SLC2A9: variants seen among roughly 807,000 people sequenced by gnomAD.
The protein encoded by SLC2A9 is solute carrier family 2, facilitated glucose transporter member 9.
In SLC2A9, 39 loss-of-function variants were observed where a neutral mutation model predicts 50.6. The observed-to-expected ratio is 0.77, with a 90% CI of 0.60 to 1.01. The LOEUF (loss-of-function observed/expected upper bound fraction) is 1.01, where lower values mean the gene tolerates loss of function less well. Ranked by LOEUF, SLC2A9 falls within the 50% of genes least tolerant of loss-of-function variation. The pLI, the probability that SLC2A9 is intolerant of heterozygous loss-of-function variation, is 0.00. For synonymous variants in SLC2A9, 324 were observed against 276.9 expected (o/e 1.17, Z -1.69); for missense variants, 686 against 677.6 (o/e 1.01, Z -0.14).
At chr4:9,822,108 C>T (rs1168685752), downstream of SLC2A9, among the ~76,000 whole-genome samples, 1 of 152,092 alleles carries the variant, frequency 6.6e-6, no homozygotes, top group Non-Finnish European at 1.5e-5. Context: ...AAGTTGTGTC[C>T]TATCTCTCTT....
In SLC2A9 at chr4:9,941,959, T is replaced by G. The variant is rs753014108; in HGVS notation, c.768A>C (p.Pro256=). 4.3e-6 allele frequency: 7 copies of G among 1,614,016 alleles called. No homozygotes were observed. The highest frequency in any genetic ancestry group is 5.9e-6 in the Non-Finnish European group (7 of 1,180,022). Residue 256 remains proline, a synonymous_variant, in exon 6 of 12, where the codon CCA becomes CCC. Coordinates refer to ENST00000264784, the MANE Select transcript of SLC2A9 (RefSeq NM_020041.3). The stretch of plus-strand genomic sequence containing the variant: ...TGTGCTTCTCCAAGAGCAGGTAGCG[T>G]GGGCTGTCCGGGAGAAAGGGAAGGC... ...LLSLPFLPDS[P]RYLLLEKHNE...
rs562176521 is a variant in SLC2A9 at position 9,983,114 on chromosome 4, C to T, written c.536-2377G>A. ...AACTCCTGACCTCAGGTGATCCGCCCGCCTCGGCCTCCCAAAGTGCTGGGA... is the reference window on the plus strand; with the variant it reads ...AACTCCTGACCTCAGGTGATCCGCCTGCCTCGGCCTCCCAAAGTGCTGGGA... On this transcript the variant is annotated intron_variant, in intron 4 of 11. Coordinates refer to ENST00000264784, the MANE Select transcript of SLC2A9 (RefSeq NM_020041.3). Among the ~76,000 whole-genome samples, 390 of 152,268 alleles carry T rather than the reference C, an allele frequency of 2.6e-3. 6 individuals are homozygous for T. Among genetic ancestry groups the T allele is most frequent in the African/African-American group, 9.2e-3 (381 of 41,556 alleles).
At chr4:9,788,235 G>T (rs1306755989) in intron 3 of SLC2A9, among the ~76,000 whole-genome samples, 1 of 152,082 alleles carries the variant, frequency 6.6e-6, no homozygotes, top group Non-Finnish European at 1.5e-5. Flanking sequence ...CTGTTGTCTA[G>T]GCTGGGGAGC....
intron 7 of SLC2A9, among the ~76,000 whole-genome samples, chr4:9,908,957 A>T (rs1346999338): frequency 6.6e-6 from 1 of 152,126 alleles, no homozygotes; most frequent in Non-Finnish European, 1.5e-5. Flanking sequence ...GAGCCTCAGC[A>T]GCCTTTTTTG....
At chr4:9,794,623 T>C (rs1489112731), downstream of SLC2A9, among the ~76,000 whole-genome samples, 1 of 152,134 alleles carries the variant, frequency 6.6e-6, no homozygotes, top group Non-Finnish European at 1.5e-5. Context: ...TCTTATATAG[T>C]AAGAGTGTGG....
intron 3 of SLC2A9, among the ~76,000 whole-genome samples, chr4:9,989,447 G>C (rs1757302219): frequency 6.6e-6 from 1 of 151,936 alleles, no homozygotes; most frequent in African/African-American, 2.4e-5. Context: ...ATCATTCTCA[G>C]CTGATGACCA....
intron 3 of SLC2A9, chr4:9,782,891 A>T (rs1471641335): frequency 6.2e-7 from 1 of 1,613,978 alleles, no homozygotes; most frequent in Non-Finnish European, 8.5e-7. Context: ...GCGCGCTTCC[A>T]TCAAGAAGGA....
At chr4:9,801,044 G>GGTGTT (rs928459789) in intron 3 of SLC2A9, among the ~76,000 whole-genome samples, 1 of 152,150 alleles carries the variant, frequency 6.6e-6, no homozygotes, top group Non-Finnish European at 1.5e-5. Flanking sequence ...CTTGCAGACT[G>GGTGTT]GTGTTGGCTG....
At chr4:9,912,309 A>C (rs1741997755) in intron 7 of SLC2A9, among the ~76,000 whole-genome samples, 1 of 152,160 alleles carries the variant, frequency 6.6e-6, no homozygotes, top group Non-Finnish European at 1.5e-5. Context: ...AAAAAAAAGA[A>C]AAGAAGAGCA....
chr4:10,004,418 A>G (rs1354784616), intron 2 of SLC2A9, among the ~76,000 whole-genome samples: 1 of 152,172 alleles, frequency 6.6e-6, no homozygotes, highest in Non-Finnish European at 1.5e-5. Flanking sequence ...GAGTGTAAGT[A>G]CAAGGGACAT....
chr4:9,792,324 GCAC>G (rs1432965699), intron 3 of SLC2A9, among the ~76,000 whole-genome samples: 2 of 150,326 alleles, frequency 1.3e-5, no homozygotes, highest in African/African-American at 4.9e-5. Flanking sequence ...TTATAGGCAT[GCAC>G]CACCACACCT....
At chr4:9,807,533 A>G (rs1289102631) in intron 3 of SLC2A9, among the ~76,000 whole-genome samples, 2 of 152,120 alleles carry the variant, frequency 1.3e-5, no homozygotes, top group Non-Finnish European at 2.9e-5. Flanking sequence ...GAGCTGTTCC[A>G]TAGCTGGGCC....
chr4:9,842,957 C>T (rs1404105806), intron 10 of SLC2A9, among the ~76,000 whole-genome samples: 1 of 152,076 alleles, frequency 6.6e-6, no homozygotes, highest in Non-Finnish European at 1.5e-5. Flanking sequence ...ATTAGCAACA[C>T]CACCATGGGA....
rs185591073 is a variant in SLC2A9, at chr4:9,868,113, C to T, written c.1291+19454G>A. 2.6e-3 allele frequency among the ~76,000 whole-genome samples: 396 copies of T among 152,342 alleles called. 1 individual carries two copies. The highest frequency in any genetic ancestry group is 9.0e-3 in the African/African-American group (375 of 41,574). On this transcript the variant is annotated intron_variant, in intron 10 of 11. Transcript: ENST00000264784. ...GATTTGCGCCTGACCCGGGATAGTC[C>T]CATGCCCTCCTCTGTTGTCCTCCAA...
chr4:9,981,147 GTGA>G (rs754071521), intron 4 of SLC2A9, among the ~76,000 whole-genome samples: 5 of 27,114 alleles, frequency 1.8e-4, no homozygotes, highest in Admixed American at 4.4e-4. Context: ...GATGGTGACG[GTGA>G]TGATGGTGGT....
chr4:9,887,742 G>C (rs914251891), intron 9 of SLC2A9, 100 bp from the exon 10 acceptor site: 2 of 939,036 alleles, frequency 2.1e-6, no homozygotes, highest in Admixed American at 3.6e-5. Flanking sequence ...GTGTGACCTT[G>C]GACAGGTCAC....
intron 6 of SLC2A9, among the ~76,000 whole-genome samples, chr4:9,934,754 G>T (rs568723448): frequency 1.9e-4 from 29 of 152,196 alleles, no homozygotes; most frequent in Admixed American, 4.6e-4. Context: ...TCAACCTGTC[G>T]TCTAGGTTTT....
chr4:9,775,027 G>T (rs1717366576), downstream of SLC2A9, among the ~76,000 whole-genome samples: 1 of 152,150 alleles, frequency 6.6e-6, no homozygotes, highest in Admixed American at 6.5e-5. Flanking sequence ...ACACCTCGGT[G>T]GACCACTGAG....
chr4:9,802,918 T>C (rs1721648833), intron 3 of SLC2A9, among the ~76,000 whole-genome samples: 1 of 152,208 alleles, frequency 6.6e-6, no homozygotes, highest in South Asian at 2.1e-4. Context: ...AATTGTACTC[T>C]ATCACAGAAC....
Sources: allele counts gnomAD v4.1 joint callset (sites outside exome capture counted in the v4.1 genomes callset), GRCh38; gene constraint gnomAD v4.1.1; transcripts MANE v1.5; gene names NCBI Gene and HGNC (gene_info 2026-07-23, HGNC 2026-07-21).